IL4R: variants seen among roughly 807,000 people sequenced by gnomAD.
The protein encoded by IL4R is interleukin-4 receptor subunit alpha.
In IL4R, 17 loss-of-function variants were observed where a neutral mutation model predicts 41.5. The ratio of observed to expected loss-of-function variants is 0.41; its 90% CI spans 0.28 to 0.61. The LOEUF (loss-of-function observed/expected upper bound fraction) is 0.61, where lower values mean the gene tolerates loss of function less well. IL4R is among the 20% of genes least tolerant of loss of function. The pLI, the probability that IL4R is intolerant of heterozygous loss-of-function variation, is 0.31. For synonymous variants in IL4R, 402 were observed against 422.9 expected, an observed-to-expected ratio of 0.95 and a Z score of 0.61; for missense variants, 974 against 1,043.1, an observed-to-expected ratio of 0.93 and a Z score of 0.91.
chr16:27,359,806 A>T, intron 9 of IL4R: 3 of 456,910 alleles, frequency 6.6e-6, no homozygotes, highest in Non-Finnish European at 1.3e-5. Context: ...AGTGCCATTT[A>T]TGTATCAGTT....
chr16:27,313,873 G>A, upstream of IL4R: 1 of 973,362 alleles, frequency 1.0e-6, no homozygotes, highest in Non-Finnish European at 1.2e-6. Flanking sequence ...AAATCTGCCG[G>A]GCGCCGGGGC....
Position 27,362,956 on chromosome 16 carries a change from A to T in IL4R, c.1604A>T (p.Gln535Leu). 6.2e-7 allele frequency: 1 copy of T among 1,614,136 alleles called. No homozygotes were observed. The highest frequency in any genetic ancestry group is 1.1e-5 in the South Asian group (1 of 91,084). The change falls in exon 11 of 11, where the codon CAG becomes CTG. Residue 535 changes from glutamine (Q) to leucine (L), a missense_variant. Physicochemically the swap from Gln to Leu is moderately radical, Grantham distance 113. Around this residue, in one of 3 missense-constraint regions of IL4R, gnomAD observed 682 missense variants for 704.3 expected, o/e 0.97. Coordinates refer to ENST00000395762, the MANE Select transcript of IL4R (RefSeq NM_000418.4). ...GAACCCGAGATGCCCTGTGTCCCCC[A>T]GCTCTCTGAGCCAACCACTGTGCCC... ...EVEPEMPCVP[Q>L]LSEPTTVPQP...
In IL4R at chr16:27,340,288, CTCAA is replaced by C. The variant is rs753238077; in HGVS notation, c.70+19_70+22del. ...GGCAAGCTCTGGTAAGTCACCACTTCTCAATCATTCATTTGTTGGCTATTAATGG... is the reference window on the plus strand; with the variant it reads ...GGCAAGCTCTGGTAAGTCACCACTTCTCATTCATTTGTTGGCTATTAATGG... On this transcript the variant is annotated intron_variant, in intron 3 of 10. Transcript: ENST00000395762. 6.2e-7 allele frequency: 1 copy of C among 1,603,154 alleles called. No individual in the cohort carries two copies. Among genetic ancestry groups the C allele is most frequent in the Non-Finnish European group, 8.5e-7 (1 of 1,170,136 alleles).
chr16:27,356,049 A>C (rs1305105338), intron 8 of IL4R, 142 bp downstream of exon 8: 2 of 543,516 alleles, frequency 3.7e-6, no homozygotes, highest in Admixed American at 6.8e-5. Flanking sequence ...TTGAGAGTAG[A>C]GCTGAGAACA....
intron 7 of IL4R, among the ~76,000 whole-genome samples, chr16:27,354,709 A>G (rs3024629): frequency 0.91 from 137,998 of 152,248 alleles, 62,811 homozygotes; most frequent in Middle Eastern, 0.96. Context: ...GGGCTGTCGT[A>G]AAAACTCAAT....
At chr16:27,352,050 A>C (rs1300519303) in intron 6 of IL4R, among the ~76,000 whole-genome samples, 1 of 152,240 alleles carries the variant, frequency 6.6e-6, no homozygotes, top group African/African-American at 2.4e-5. Context: ...CCAGTCCTTT[A>C]GAAAGATCAC....
chr16:27,354,125 T>C (rs1410713903), intron 7 of IL4R: 1 of 152,262 alleles, frequency 6.6e-6, no homozygotes, highest in Non-Finnish European at 1.5e-5. Context: ...ACTTTCTCAC[T>C]TGGAACCTAC....
chr16:27,353,608 A>G (rs761212558), intron 7 of IL4R, among the ~76,000 whole-genome samples: 1 of 152,134 alleles, frequency 6.6e-6, no homozygotes, highest in African/African-American at 2.4e-5. Flanking sequence ...TGATGCTGTC[A>G]TTACTGGGGT....
At chr16:27,348,515 C>A (rs3116578) in intron 6 of IL4R, among the ~76,000 whole-genome samples, 2 of 152,240 alleles carry the variant, frequency 1.3e-5, no homozygotes, top group Non-Finnish European at 1.5e-5. Flanking sequence ...TTATTCTGTA[C>A]TGGCTTCGTT....
rs34798776 is a variant in IL4R at position 27,361,610 on chromosome 16, CTTTTTTTTT to C, written c.900-628_900-620del. Among the ~76,000 whole-genome samples the C allele has an allele frequency of 2.7e-5, 3 of 111,782 alleles. No individual in the cohort carries two copies. The Admixed American group carries it at 2.9e-4, about 11-fold the overall frequency. The allele number at this position is 111,782 out of a possible 152,430, so 73.3% of individuals were successfully genotyped here. On this transcript the variant is annotated intron_variant, in intron 10 of 10. Coordinates refer to ENST00000395762, the MANE Select transcript of IL4R (RefSeq NM_000418.4). ...CTGCTTCAACCCTAGGATCCCGCATCTTTTTTTTTTTTTTTTTTTTTTGGACGCAGGGTC... is the reference window on the plus strand; with the variant it reads ...CTGCTTCAACCCTAGGATCCCGCATCTTTTTTTTTTTTTGGACGCAGGGTC...
chr16:27,363,060 G>GC lies in IL4R; in HGVS notation c.1713dup (p.Thr572HisfsTer54). 1 of 1,614,118 alleles carries GC rather than the reference G, an allele frequency of 6.2e-7. No homozygotes were observed. Among genetic ancestry groups the GC allele is most frequent in the Non-Finnish European group, 8.5e-7 (1 of 1,180,042 alleles). On this transcript the variant is annotated frameshift_variant, in exon 11 of 11. Transcript: ENST00000395762. LOFTEE classifies it low-confidence loss of function (END_TRUNC). ...TGGGGCAGCTGCAGCCCCCGTCTCG[G>GC]CCCCCACCAGTGGCTATCAGGAGTT...
At chr16:27,320,948 C>CTTT (rs201149622) in intron 1 of IL4R, among the ~76,000 whole-genome samples, 4 of 143,316 alleles carry the variant, frequency 2.8e-5, no homozygotes, top group African/African-American at 7.8e-5. Context: ...TTCTTTCTTT[C>CTTT]TTTTTTTTTT....
intron 2 of IL4R, among the ~76,000 whole-genome samples, chr16:27,338,685 T>C (rs372413162): frequency 6.6e-6 from 1 of 152,002 alleles, no homozygotes; most frequent in Non-Finnish European, 1.5e-5. Context: ...ATGGGGTTAG[T>C]GCCCTCATGA....
intron 2 of IL4R, among the ~76,000 whole-genome samples, chr16:27,332,346 G>A (rs1033344794): frequency 6.6e-6 from 1 of 152,054 alleles, no homozygotes; most frequent in Admixed American, 6.6e-5. Flanking sequence ...CAAGGAAAGG[G>A]GGGGAAAGCC....
Position 27,363,576 on chromosome 16 carries a change from C to G in IL4R, c.2224C>G (p.Pro742Ala), listed in dbSNP as rs553003674. The G allele has an allele frequency of 2.5e-6, 4 of 1,614,126 alleles. No homozygotes were observed. In the East Asian group the frequency reaches 6.7e-5, roughly 27 times the overall value. Residue 742 changes from proline (P) to alanine (A), a missense_variant, in exon 11 of 11, where the codon CCT (proline) becomes GCT (alanine). By Grantham distance (27) the Pro-to-Ala change is conservative. Around this residue, in one of 3 missense-constraint regions of IL4R, gnomAD observed 682 missense variants for 704.3 expected, o/e 0.97. Transcript: ENST00000395762. The part of the protein sequence containing the change: ...DGGQTPVMAS[P>A]CCGCCCGDRS... ...TGGCCAGACCCCTGTCATGGCCAGTCCTTGCTGTGGCTGCTGCTGTGGAGA... is the reference window on the plus strand; with the variant it reads ...TGGCCAGACCCCTGTCATGGCCAGTGCTTGCTGTGGCTGCTGCTGTGGAGA...
In IL4R at chr16:27,344,947, G is replaced by A. The variant is rs2085585993; in HGVS notation, c.288G>A (p.Ala96=). 2.8e-5 allele frequency: 46 copies of A among 1,614,122 alleles called. No individual in the cohort carries two copies. Among genetic ancestry groups the A allele is most frequent in the Non-Finnish European group, 3.6e-5 (42 of 1,180,028 alleles). The change falls in exon 5 of 11, where the codon GCG becomes GCA. Residue 96 remains alanine (A), a synonymous_variant. Coordinates refer to ENST00000395762, the MANE Select transcript of IL4R (RefSeq NM_000418.4). ...TGCTCATGGATGACGTGGTCAGTGC[G>A]GATAACTATACACTGGACCTGTGGG... is the stretch of plus-strand genomic sequence containing the variant. ...CHLLMDDVVS[A]DNYTLDLWAG... is the part of the protein sequence containing the mutation.
At chr16:27,336,004 T>C (rs1387749752) in intron 2 of IL4R, among the ~76,000 whole-genome samples, 1 of 152,116 alleles carries the variant, frequency 6.6e-6, no homozygotes, top group Non-Finnish European at 1.5e-5. Context: ...CACTGAGGTA[T>C]TGGGGTAATT....
In IL4R at chr16:27,363,499, T is replaced by C. The variant is rs1418599421; in HGVS notation, c.2147T>C (p.Leu716Pro). Residue 716 changes from leucine to proline, a missense_variant, in exon 11 of 11, where the codon CTT (leucine) becomes CCT (proline). Leu to Pro is a moderately conservative substitution (Grantham distance 98). Coordinates refer to ENST00000395762, the MANE Select transcript of IL4R (RefSeq NM_000418.4). ...GGCAGTGGCATTGTCTACTCAGCCC[T>C]TACCTGCCACCTGTGCGGCCACCTG... is the stretch of plus-strand genomic sequence containing the variant. ...SLGSGIVYSA[L>P]TCHLCGHLKQ... 1 of 1,613,994 alleles carries C rather than the reference T, an allele frequency of 6.2e-7. No homozygotes were observed. Among genetic ancestry groups the C allele is most frequent in the Non-Finnish European group, 8.5e-7 (1 of 1,180,012 alleles).
chr16:27,355,824 C>T lies in IL4R; in HGVS notation c.687C>T (p.Phe229=), dbSNP rs758556524. The T allele has an allele frequency of 8.1e-6, 13 of 1,613,078 alleles. No individual in the cohort carries two copies. In the Admixed American group the frequency reaches 8.3e-5, roughly 10 times the overall value. ...CACTTCCAGCCTACAGGGAGCCCTT[C>T]GAGCAGCACCTCCTGCTGGGCGTCA... ...TKWHNSYREP[F]EQHLLLGVSV... Residue 229 remains phenylalanine, a synonymous_variant, in exon 8 of 11, where the codon TTC becomes TTT. Transcript: ENST00000395762.
Sources: allele counts gnomAD v4.1 joint callset (sites outside exome capture counted in the v4.1 genomes callset), GRCh38; gene constraint gnomAD v4.1.1; regional missense constraint gnomAD v4.1.1; transcripts MANE v1.5; gene names NCBI Gene and HGNC (gene_info 2026-07-23, HGNC 2026-07-21).